MAST4: variants seen among roughly 807,000 people sequenced by gnomAD.
MAST4 encodes microtubule-associated serine/threonine-protein kinase 4.
A neutral mutation model predicts 162.7 loss-of-function variants in MAST4; 89 were observed. The ratio of observed to expected loss-of-function variants is 0.55; its 90% CI spans 0.46 to 0.65. The LOEUF is 0.65. Among genes scored for constraint, MAST4 ranks in the 30% least tolerant of loss-of-function variants. The probability of loss-of-function intolerance (pLI) is 0.00; values close to 1 mark genes in which losing one functional copy is unlikely to be tolerated. For missense variants in MAST4, 3,153 were observed against 3,374.0 expected, an observed-to-expected ratio of 0.93 and a Z score of 1.62; for synonymous variants, 1,479 against 1,361.1, an observed-to-expected ratio of 1.09 and a Z score of -1.91.
At chr5:66,933,264 G>T (rs559929655) in intron 4 of MAST4, among the ~76,000 whole-genome samples, 23 of 152,192 alleles carry the variant, frequency 1.5e-4, no homozygotes, top group African/African-American at 5.5e-4. Flanking sequence ...CAGTGGTGAC[G>T]AACTGTTTTC....
intron 4 of MAST4, among the ~76,000 whole-genome samples, chr5:66,969,782 G>C (rs1035675984): frequency 6.6e-6 from 1 of 152,078 alleles, no homozygotes; most frequent in South Asian, 2.1e-4. Flanking sequence ...GTCACCTGAC[G>C]GCTAAACCAC....
chr5:67,153,398 C>G lies in MAST4; in HGVS notation c.3526-60C>G, dbSNP rs1449276275. The G allele has an allele frequency of 6.5e-6, 10 of 1,529,916 alleles. No homozygotes were observed. In the African/African-American group the frequency reaches 8.2e-5, roughly 13 times the overall value. 94.8% of individuals were successfully genotyped at this position (1,529,916 alleles called of 1,614,324 possible). On this transcript the variant is annotated intron_variant, in intron 25 of 28. Transcript: ENST00000403625. ...TAACTCATTATTCTCCCAGAAGACA[C>G]AGTAGGTGTTAGAGTAGTCATTTGT...
Position 67,134,558 on chromosome 5 carries a change from G to C in MAST4, c.2262G>C (p.Val754=). 6.2e-7 allele frequency: 1 copy of C among 1,613,640 alleles called. No homozygotes were observed. The highest frequency in any genetic ancestry group is 1.1e-5 in the South Asian group (1 of 91,054). Residue 754 remains valine (V), a synonymous_variant, in exon 18 of 29, where the codon GTG becomes GTC. Coordinates refer to ENST00000403625, the MANE Select transcript of MAST4 (RefSeq NM_001164664.2). Reference sequence around the variant, plus strand: ...CACCTGAATACATTGCACCAGAAGTGATTCTGAGGCAGGGTTATGGAAAGC... The same window carrying C: ...CACCTGAATACATTGCACCAGAAGTCATTCTGAGGCAGGGTTATGGAAAGC... The part of the protein sequence containing the change: ...CGTPEYIAPE[V]ILRQGYGKPV...
chr5:67,094,423 A>C (rs1764206147), intron 6 of MAST4, among the ~76,000 whole-genome samples: 1 of 152,196 alleles, frequency 6.6e-6, no homozygotes, highest in Admixed American at 6.5e-5. Flanking sequence ...ATCCCTGGTA[A>C]ATTTTGTCCA....
chr5:66,900,089 A>G (rs1762914374), intron 4 of MAST4, 107 bp downstream of exon 4: 1 of 736,896 alleles, frequency 1.4e-6, no homozygotes, highest in Non-Finnish European at 2.0e-6. Context: ...ATGATAATCA[A>G]CTGAAGAAAA....
chr5:66,718,058 T>G (rs1018350671), intron 1 of MAST4, among the ~76,000 whole-genome samples: 5 of 152,166 alleles, frequency 3.3e-5, no homozygotes, highest in South Asian at 2.1e-4. Flanking sequence ...GCACAGTGGC[T>G]TACATCCTGT....
chr5:67,078,929 TATATATA>T (rs1191150297), intron 5 of MAST4, among the ~76,000 whole-genome samples: 2 of 67,218 alleles, frequency 3.0e-5, no homozygotes, highest in Non-Finnish European at 5.2e-5. Flanking sequence ...TATATATATA[TATATATA>T]TATATATATA....
intron 3 of MAST4, among the ~76,000 whole-genome samples, chr5:66,888,089 T>TA (rs943083349): frequency 2.0e-5 from 3 of 151,686 alleles, no homozygotes; most frequent in African/African-American, 4.9e-5. Flanking sequence ...GAAAATACTT[T>TA]AAAAAAACTG....
At chr5:67,017,862 G>T (rs768959777) in intron 4 of MAST4, among the ~76,000 whole-genome samples, 7 of 152,058 alleles carry the variant, frequency 4.6e-5, no homozygotes, top group Non-Finnish European at 8.8e-5. Flanking sequence ...CTCCCAAAGT[G>T]CAGGGATTGC....
At chr5:67,141,886 CAAAG>C (rs1191935594) in intron 19 of MAST4, among the ~76,000 whole-genome samples, 1 of 152,142 alleles carries the variant, frequency 6.6e-6, no homozygotes, top group Non-Finnish European at 1.5e-5. Flanking sequence ...AAAAAACTAA[CAAAG>C]AAAAACAGTG....
At chr5:66,887,607 C>T (rs138495569) in intron 3 of MAST4, among the ~76,000 whole-genome samples, 115 of 152,264 alleles carry the variant, frequency 7.6e-4, no homozygotes, top group Middle Eastern at 3.4e-3. Flanking sequence ...ATATGAGGAC[C>T]CTGACCTTGG....
chr5:66,718,889 G>A (rs1400892521), intron 1 of MAST4, among the ~76,000 whole-genome samples: 1 of 152,200 alleles, frequency 6.6e-6, no homozygotes, highest in African/African-American at 2.4e-5. Flanking sequence ...TTGAAAGCAT[G>A]ACCTGGCGTC....
intron 2 of MAST4, among the ~76,000 whole-genome samples, chr5:66,784,278 G>T (rs1755009788): frequency 6.6e-6 from 1 of 152,098 alleles, no homozygotes; most frequent in Admixed American, 6.5e-5. Context: ...TTTTTTGCTA[G>T]GAATTATTAA....
chr5:67,063,217 C>T (rs1439128576), intron 5 of MAST4, among the ~76,000 whole-genome samples: 3 of 151,696 alleles, frequency 2.0e-5, no homozygotes, highest in Admixed American at 6.6e-5. Flanking sequence ...TAAGTAATGA[C>T]ACATCTTGCC....
chr5:66,638,585 A>G (rs1332304387), intron 1 of MAST4, among the ~76,000 whole-genome samples: 1 of 152,230 alleles, frequency 6.6e-6, no homozygotes, highest in African/African-American at 2.4e-5. Flanking sequence ...TATATGCCTT[A>G]TACACATAGC....
At position 67,163,536 on chromosome 5, in the gene MAST4, T is replaced by C; in HGVS notation, c.4357T>C (p.Ser1453Pro). ...RVQSEEKLSP[S>P]YGSDKKHLCS... ...GCAGTCCGAGGAGAAGCTGTCGCCCTCTTACGGCAGTGACAAGAAGCACCT... is the reference window on the plus strand; with the variant it reads ...GCAGTCCGAGGAGAAGCTGTCGCCCCCTTACGGCAGTGACAAGAAGCACCT... Residue 1453 changes from serine to proline, a missense_variant, in exon 29 of 29, where the codon TCT becomes CCT. Coordinates refer to ENST00000403625, the MANE Select transcript of MAST4 (RefSeq NM_001164664.2). The surrounding 1 kb of genome is among the most constrained non-coding windows in gnomAD (Gnocchi z 7.0). The C allele has an allele frequency of 6.2e-7, 1 of 1,603,124 alleles. No homozygotes were observed. Among genetic ancestry groups the C allele is most frequent in the Non-Finnish European group, 8.5e-7 (1 of 1,175,170 alleles).
intron 3 of MAST4, among the ~76,000 whole-genome samples, chr5:66,801,856 GTTTTC>G (rs1293877641): frequency 2.0e-5 from 3 of 152,086 alleles, no homozygotes; most frequent in Non-Finnish European, 4.4e-5. Flanking sequence ...CACTTTTTGT[GTTTTC>G]TTTTCCAGAT....
At position 66,795,357 on chromosome 5, in the gene MAST4, G is replaced by A. The variant is rs1755599741; in HGVS notation, c.642+6563G>A. On this transcript the variant is annotated intron_variant, in intron 3 of 28. Coordinates refer to ENST00000403625, the MANE Select transcript of MAST4 (RefSeq NM_001164664.2). ...CCTACTGCAAATAATGGTGGTGAGTGGATTTTAAATAAGTCCTTATTCACC... is the reference window on the plus strand; with the variant it reads ...CCTACTGCAAATAATGGTGGTGAGTAGATTTTAAATAAGTCCTTATTCACC... Among the ~76,000 whole-genome samples the A allele has an allele frequency of 2.6e-5, 4 of 152,284 alleles. No homozygotes were observed. In the South Asian group the frequency reaches 8.3e-4, roughly 32 times the overall value.
At chr5:66,774,074 T>C (rs1424257819) in intron 2 of MAST4, among the ~76,000 whole-genome samples, 3 of 152,232 alleles carry the variant, frequency 2.0e-5, no homozygotes, top group African/African-American at 7.2e-5. Context: ...TCCAGTAATG[T>C]AGGATGGCCT....
Sources: allele counts gnomAD v4.1 joint callset (sites outside exome capture counted in the v4.1 genomes callset), GRCh38; gene constraint gnomAD v4.1.1; non-coding constraint Gnocchi (gnomAD v3.1); transcripts MANE v1.5; gene names NCBI Gene and HGNC (gene_info 2026-07-23, HGNC 2026-07-21).